Variants in LUZP2 observed in about 807,000 individuals in gnomAD.
LUZP2 encodes leucine zipper protein 2.
LUZP2 carries 52 observed loss-of-function variants against 51.6 expected under a neutral mutation model. The ratio of observed to expected loss-of-function variants is 1.01; its 90% CI spans 0.81 to 1.27. LUZP2 has a LOEUF of 1.27. Among genes scored for constraint, LUZP2 ranks in the 50% most tolerant of loss-of-function variants. The probability of loss-of-function intolerance (pLI) is 0.00; values close to 1 mark genes in which losing one functional copy is unlikely to be tolerated. For missense variants in LUZP2, 436 were observed against 395.4 expected (o/e 1.10, Z -0.87); for synonymous variants, 154 against 137.3 (o/e 1.12, Z -0.85).
At chr11:24,890,640 A>G (rs1317990360) in intron 5 of LUZP2, among the ~76,000 whole-genome samples, 1 of 152,130 alleles carries the variant, frequency 6.6e-6, no homozygotes, top group Non-Finnish European at 1.5e-5. Context: ...ATGTGTTAGT[A>G]ACTCTACCTA....
intron 4 of LUZP2, among the ~76,000 whole-genome samples, chr11:24,741,095 A>T (rs1348371226): frequency 6.6e-6 from 1 of 152,116 alleles, no homozygotes; most frequent in Non-Finnish European, 1.5e-5. Context: ...TTCATACTTT[A>T]GGATGTTCTA....
chr11:24,731,362 A>G (rs1166472124), intron 2 of LUZP2, among the ~76,000 whole-genome samples: 1 of 75,242 alleles, frequency 1.3e-5, no homozygotes, highest in Non-Finnish European at 2.5e-5. Flanking sequence ...CTTGCCTCTT[A>G]GTTTTGACTT....
chr11:25,042,431 A>T (rs1858098220), intron 9 of LUZP2, among the ~76,000 whole-genome samples: 1 of 152,170 alleles, frequency 6.6e-6, no homozygotes, highest in African/African-American at 2.4e-5. Flanking sequence ...GAAACTTTGG[A>T]TACTTTGATG....
At chr11:24,549,360 T>C (rs1392367420) in intron 1 of LUZP2, among the ~76,000 whole-genome samples, 2 of 152,094 alleles carry the variant, frequency 1.3e-5, no homozygotes, top group African/African-American at 4.8e-5. Context: ...CACGGAGCTG[T>C]CCTCTCCTAC....
At chr11:24,625,141 C>T (rs574690132) in intron 1 of LUZP2, among the ~76,000 whole-genome samples, 2 of 148,312 alleles carry the variant, frequency 1.3e-5, no homozygotes, top group South Asian at 4.3e-4. Context: ...AATAATTAAA[C>T]TTGTGAAAAT....
At chr11:24,903,053 G>A (rs771832312) in intron 5 of LUZP2, among the ~76,000 whole-genome samples, 6 of 151,974 alleles carry the variant, frequency 3.9e-5, no homozygotes, top group Non-Finnish European at 8.8e-5. Context: ...AGGTGTGAGT[G>A]GTTTTGGCAG....
At chr11:24,730,603 A>G (rs1858678107) in intron 2 of LUZP2, among the ~76,000 whole-genome samples, 2 of 151,802 alleles carry the variant, frequency 1.3e-5, no homozygotes, top group East Asian at 1.9e-4. Context: ...CACCAAGTGA[A>G]TAAGACTGGG....
chr11:24,723,125 T>A (rs1325367230), intron 1 of LUZP2, among the ~76,000 whole-genome samples: 3 of 152,016 alleles, frequency 2.0e-5, no homozygotes, highest in South Asian at 2.1e-4. Flanking sequence ...TTTAGTAACA[T>A]CCTCCCTTTA....
At chr11:24,517,347 G>T (rs1335167497) in intron 1 of LUZP2, among the ~76,000 whole-genome samples, 1 of 151,478 alleles carries the variant, frequency 6.6e-6, no homozygotes. Flanking sequence ...TTAGCTGGGC[G>T]TGGTGGCGGG....
In LUZP2 at chr11:24,765,627, T is replaced by TC. The variant is rs1406083063; in HGVS notation, c.396+2319_396+2320insC. Among the ~76,000 whole-genome samples, 62 of 151,408 alleles carry TC rather than the reference T, an allele frequency of 4.1e-4. 1 individual carries two copies. Among genetic ancestry groups the TC allele is most frequent in the African/African-American group, 1.5e-3 (60 of 41,358 alleles). On this transcript the variant is annotated intron_variant, in intron 5 of 11. Coordinates refer to ENST00000336930, the MANE Select transcript of LUZP2 (RefSeq NM_001009909.4). ...ATAATTTTTTCCTTTTTTTTCTTTT[T>TC]TCTTTTTTTTTTTTTTTTGAGACGG...
chr11:24,900,485 C>A (rs147196433), intron 5 of LUZP2, among the ~76,000 whole-genome samples: 4 of 152,152 alleles, frequency 2.6e-5, no homozygotes, highest in Admixed American at 6.5e-5. Flanking sequence ...AAGGGAACAT[C>A]CCTGAAAATC....
intron 5 of LUZP2, among the ~76,000 whole-genome samples, chr11:24,784,928 A>G (rs1849199553): frequency 6.6e-6 from 1 of 152,050 alleles, no homozygotes; most frequent in Admixed American, 6.6e-5. Flanking sequence ...ATTTGCATAT[A>G]TAAGTATCCA....
chr11:24,689,629 G>T (rs1028726932), intron 1 of LUZP2, among the ~76,000 whole-genome samples: 4 of 152,116 alleles, frequency 2.6e-5, no homozygotes, highest in Non-Finnish European at 4.4e-5. Context: ...TGGGGTTGGG[G>T]AGGACTCTTT....
chr11:24,797,420 T>C (rs1330479726), intron 5 of LUZP2, among the ~76,000 whole-genome samples: 1 of 152,182 alleles, frequency 6.6e-6, no homozygotes, highest in East Asian at 1.9e-4. Flanking sequence ...TGCTTTTATG[T>C]CAATAATCTC....
chr11:24,541,829 G>A (rs760746905), intron 1 of LUZP2, among the ~76,000 whole-genome samples: 6 of 151,874 alleles, frequency 4.0e-5, no homozygotes, highest in Non-Finnish European at 7.4e-5. Flanking sequence ...ATGAAGATAA[G>A]TACAGCCTAA....
intron 1 of LUZP2, among the ~76,000 whole-genome samples, chr11:24,537,168 T>C (rs1377966166): frequency 6.6e-6 from 1 of 151,856 alleles, no homozygotes; most frequent in Non-Finnish European, 1.5e-5. Context: ...AAGTTTGAAA[T>C]ATTGTGAGAA....
intron 7 of LUZP2, among the ~76,000 whole-genome samples, chr11:24,926,579 A>G (rs541298352): frequency 1.8e-4 from 27 of 147,218 alleles, no homozygotes; most frequent in Admixed American, 1.7e-3. Flanking sequence ...ATATACGTGT[A>G]TATATATGTG....
intron 1 of LUZP2, among the ~76,000 whole-genome samples, chr11:24,553,891 T>C (rs12282175): frequency 0.046 from 7,076 of 152,266 alleles, 513 homozygotes; most frequent in African/African-American, 0.16. Context: ...ACTGCCATTT[T>C]CATGAGTTTC....
intron 7 of LUZP2, among the ~76,000 whole-genome samples, chr11:24,925,340 G>A (rs1368941543): frequency 6.6e-6 from 1 of 152,068 alleles, no homozygotes; most frequent in Non-Finnish European, 1.5e-5. Flanking sequence ...GAATGCCCTT[G>A]GCCAAAAGGA....
Sources: allele counts gnomAD v4.1 joint callset (sites outside exome capture counted in the v4.1 genomes callset), GRCh38; gene constraint gnomAD v4.1.1; transcripts MANE v1.5; gene names NCBI Gene and HGNC (gene_info 2026-07-23, HGNC 2026-07-21).